Variants in FIGN observed in about 807,000 individuals in gnomAD.
FIGN encodes the protein fidgetin, microtubule severing factor, also known as fidgetin.
Under a neutral mutation model 51.3 loss-of-function variants are expected in FIGN, and 11 were observed. The ratio of observed to expected loss-of-function variants is 0.21; its 90% confidence interval spans 0.13 to 0.35. FIGN has a LOEUF of 0.35. FIGN is among the 10% of genes least tolerant of loss of function. The pLI is 1.00. For missense variants in FIGN, 857 were observed against 943.6 expected, an observed-to-expected ratio of 0.91 and a Z score of 1.20; for synonymous variants, 407 against 363.2, an observed-to-expected ratio of 1.12 and a Z score of -1.37.
chr2:163,625,371 A>T (rs1683038826), intron 2 of FIGN, among the ~76,000 whole-genome samples: 1 of 152,096 alleles, frequency 6.6e-6, no homozygotes, highest in Non-Finnish European at 1.5e-5. Flanking sequence ...GCAGATATAA[A>T]TAACATTATA....
intron 2 of FIGN, among the ~76,000 whole-genome samples, chr2:163,715,695 T>C (rs1322201355): frequency 1.3e-5 from 2 of 152,208 alleles, no homozygotes; most frequent in Admixed American, 6.5e-5. Flanking sequence ...TACAAGTTGA[T>C]ACTGCCCAAC....
chr2:163,652,361 A>AACACACAC (rs60276598), intron 2 of FIGN, among the ~76,000 whole-genome samples: 4,300 of 139,424 alleles, frequency 0.031, 130 homozygotes, highest in African/African-American at 0.065. Flanking sequence ...CACACACACA[A>AACACACAC]ACACACACAC....
chr2:163,636,657 A>C (rs370663729), intron 2 of FIGN, among the ~76,000 whole-genome samples: 16 of 152,294 alleles, frequency 1.1e-4, no homozygotes, highest in Admixed American at 8.5e-4. Flanking sequence ...TAAGTATTTG[A>C]ATGGGTAATA....
chr2:163,632,314 G>A (rs1030364467), intron 2 of FIGN, among the ~76,000 whole-genome samples: 3 of 152,136 alleles, frequency 2.0e-5, no homozygotes, highest in Non-Finnish European at 2.9e-5. Context: ...TCTAACTCCT[G>A]GGTCATCAGA....
At chr2:163,631,033 T>G (rs1327267144) in intron 2 of FIGN, among the ~76,000 whole-genome samples, 1 of 152,210 alleles carries the variant, frequency 6.6e-6, no homozygotes, top group Non-Finnish European at 1.5e-5. Flanking sequence ...ACTTTTTTCC[T>G]TTGAGTTTAC....
chr2:163,697,958 G>A (rs1684349440), intron 2 of FIGN, among the ~76,000 whole-genome samples: 1 of 152,070 alleles, frequency 6.6e-6, no homozygotes. Context: ...ATCCTCTTGA[G>A]AAGAGATAAA....
At chr2:163,713,514 T>G (rs895818213) in intron 2 of FIGN, among the ~76,000 whole-genome samples, 2 of 152,116 alleles carry the variant, frequency 1.3e-5, no homozygotes, top group Non-Finnish European at 1.5e-5. Flanking sequence ...GAGGCACTAC[T>G]GTATATAAAC....
rs1167326672 is a variant in FIGN, at chr2:163,604,847, G to A, written c.*4705C>T. ...GAGAAGAGAGAGGAAGAGGAGAGGA[G>A]AGGGATGGAGAGAAGAATGGTTGGG... On this transcript the variant is annotated 3_prime_UTR_variant, in exon 3 of 3. Transcript: ENST00000333129. The A allele has an allele frequency of 4.0e-5, 6 of 150,302 alleles. No individual in the cohort carries two copies. Among genetic ancestry groups the A allele is most frequent in the Admixed American group, 1.3e-4 (2 of 15,012 alleles). The allele number at this position is 150,302 out of a possible 1,614,324, so 9.3% of individuals were successfully genotyped here.
intron 2 of FIGN, among the ~76,000 whole-genome samples, chr2:163,712,093 A>G (rs947541891): frequency 2.0e-5 from 3 of 152,144 alleles, no homozygotes; most frequent in African/African-American, 7.2e-5. Flanking sequence ...ACAACTACAA[A>G]GTACAAAAGA....
intron 2 of FIGN, among the ~76,000 whole-genome samples, chr2:163,719,721 A>T (rs1684724756): frequency 6.6e-6 from 1 of 152,164 alleles, no homozygotes; most frequent in African/African-American, 2.4e-5. Context: ...TGATAACCCA[A>T]CCAGTGCCAG....
At chr2:163,675,873 G>A (rs2105335914) in intron 2 of FIGN, among the ~76,000 whole-genome samples, 1 of 149,342 alleles carries the variant, frequency 6.7e-6, no homozygotes, top group South Asian at 2.1e-4. Context: ...ATTCACTTAA[G>A]GCTCCTTTTA....
At chr2:163,616,114 T>G (rs1573905053) in intron 2 of FIGN, among the ~76,000 whole-genome samples, 1 of 152,174 alleles carries the variant, frequency 6.6e-6, no homozygotes, top group Admixed American at 6.5e-5. Context: ...ACGGATAACA[T>G]TTGCCATTCT....
At chr2:163,691,601 C>A (rs1047705122) in intron 2 of FIGN, among the ~76,000 whole-genome samples, 5 of 152,098 alleles carry the variant, frequency 3.3e-5, no homozygotes, top group African/African-American at 1.2e-4. Context: ...GAAACTAACA[C>A]CAGTAAGTCA....
At chr2:163,665,832 T>A (rs761136511) in intron 2 of FIGN, among the ~76,000 whole-genome samples, 1 of 152,148 alleles carries the variant, frequency 6.6e-6, no homozygotes, top group Non-Finnish European at 1.5e-5. Context: ...TCCCCCTTTA[T>A]TTGTTGTATC....
At chr2:163,699,094 A>T (rs2105349596) in intron 2 of FIGN, among the ~76,000 whole-genome samples, 1 of 152,118 alleles carries the variant, frequency 6.6e-6, no homozygotes, top group East Asian at 1.9e-4. Context: ...TACAGGAATA[A>T]ATGAGGGAAA....
intron 2 of FIGN, among the ~76,000 whole-genome samples, chr2:163,679,182 A>T (rs1352304123): frequency 1.2e-4 from 18 of 152,136 alleles, no homozygotes; most frequent in Non-Finnish European, 2.5e-4. Flanking sequence ...TCTGGGAGTT[A>T]TAATGAATCT....
chr2:163,644,041 G>A (rs1355343864), intron 2 of FIGN, among the ~76,000 whole-genome samples: 1 of 149,950 alleles, frequency 6.7e-6, no homozygotes, highest in Non-Finnish European at 1.5e-5. Context: ...GGGATTTGGC[G>A]AAGAATTCTT....
intron 2 of FIGN, among the ~76,000 whole-genome samples, chr2:163,652,361 A>AACACACACACACACACACACACAC (rs60276598): frequency 1.4e-5 from 2 of 139,370 alleles, no homozygotes; most frequent in Admixed American, 1.4e-4. Context: ...CACACACACA[A>AACACACACACACACACACACACAC]ACACACACAC....
chr2:163,611,933 C>T lies in FIGN; in HGVS notation c.26-127G>A, dbSNP rs74777091. The T allele has an allele frequency of 1.4e-3, 981 of 682,614 alleles. 19 individuals are homozygous for T. In the East Asian group the frequency reaches 0.026, roughly 18 times the overall value. The allele number at this position is 682,614 out of a possible 1,614,324, so 42.3% of individuals were successfully genotyped here. A position where few individuals can be genotyped will look rare whatever the true frequency, so the allele number is the denominator to read the frequency against. On this transcript the variant is annotated intron_variant, in intron 2 of 2. Transcript: ENST00000333129. The stretch of plus-strand genomic sequence containing the variant: ...TGATATGCATACTTTAAAAGATCTA[C>T]ACTGTTTATAATACCTATTATGATC...
Sources: allele counts gnomAD v4.1 joint callset (sites outside exome capture counted in the v4.1 genomes callset), GRCh38; gene constraint gnomAD v4.1.1; transcripts MANE v1.5; gene names NCBI Gene and HGNC (gene_info 2026-07-23, HGNC 2026-07-21).